The following STAT5B variants were observed in gnomAD, a reference collection of about 807,000 sequenced individuals.
STAT5B encodes the protein transcription factor STAT5B.
In STAT5B, 21 loss-of-function variants were observed where a neutral mutation model predicts 107.8. That is an observed-to-expected ratio of 0.19 (90% CI 0.14 to 0.28). The LOEUF (loss-of-function observed/expected upper bound fraction) is 0.28, where lower values mean the gene tolerates loss of function less well. Among genes scored for constraint, STAT5B ranks in the 10% least tolerant of loss-of-function variants. The probability of loss-of-function intolerance (pLI) is 1.00; values close to 1 mark genes in which losing one functional copy is unlikely to be tolerated. For synonymous variants in STAT5B, 325 were observed against 401.7 expected (o/e 0.81, Z 2.28); for missense variants, 565 against 1,008.2 (o/e 0.56, Z 5.95).
At chr17:42,211,843 G>T in intron 13 of STAT5B, 141 bp downstream of exon 13, 1 of 1,286,504 alleles carries the variant, frequency 7.8e-7, no homozygotes, top group Non-Finnish European at 1.1e-6. Context: ...CTCTCAAGTT[G>T]TCCATCTAGT....
rs763978508 is a variant in STAT5B, at chr17:42,260,915, A to AC, written c.-11+15332dup. Among the ~76,000 whole-genome samples the AC allele has an allele frequency of 4.8e-3, 633 of 132,210 alleles. 2 individuals are homozygous for AC. The highest frequency in any genetic ancestry group is 8.3e-3 in the Non-Finnish European group (530 of 63,582). 86.7% of individuals were successfully genotyped at this position (132,210 alleles called of 152,430 possible). A position where few individuals can be genotyped will look rare whatever the true frequency, so the allele number is the denominator to read the frequency against. On this transcript the variant is annotated intron_variant, in intron 1 of 18. Coordinates refer to ENST00000293328, the MANE Select transcript of STAT5B (RefSeq NM_012448.4). The stretch of plus-strand genomic sequence containing the variant: ...CTTAGTTTCCTAGTTTATATGTCTT[A>AC]CCTTTTTTTTTTTTTTCTTGAGACA...
chr17:42,277,220 G>A (rs554879930), upstream of STAT5B, among the ~76,000 whole-genome samples: 17 of 152,128 alleles, frequency 1.1e-4, no homozygotes, highest in Non-Finnish European at 1.2e-4. Context: ...CCTCTGCTAC[G>A]TCTATCTCCC....
intron 1 of STAT5B, among the ~76,000 whole-genome samples, chr17:42,262,579 T>C (rs112290202): frequency 4.2e-4 from 64 of 151,694 alleles, no homozygotes; most frequent in African/African-American, 1.4e-3. Flanking sequence ...AATGGAATTA[T>C]AAGAAAAAGA....
At position 42,276,216 on chromosome 17, in the gene STAT5B, C is replaced by G. The variant is rs568752464; in HGVS notation, c.-11+32G>C. ...GGCTCCCCGGCCTGGCTCCCCCGGCCCCGGGCCCAGGGCTCGCCCCGCAGC... is the reference window on the plus strand; with the variant it reads ...GGCTCCCCGGCCTGGCTCCCCCGGCGCCGGGCCCAGGGCTCGCCCCGCAGC... On this transcript the variant is annotated intron_variant, in intron 1 of 18. Transcript: ENST00000293328. This position sits in a 1 kb window ranked among gnomAD's most constrained non-coding sequence, Gnocchi z 4.8. 6.8e-6 allele frequency: 1 copy of G among 147,792 alleles called. No individual in the cohort carries two copies. The highest frequency in any genetic ancestry group is 2.4e-5 in the African/African-American group (1 of 40,952). The allele number at this position is 147,792 out of a possible 1,614,324, so 9.2% of individuals were successfully genotyped here.
At chr17:42,209,703 G>A (rs1166889367) in intron 15 of STAT5B, among the ~76,000 whole-genome samples, 1 of 152,038 alleles carries the variant, frequency 6.6e-6, no homozygotes, top group Non-Finnish European at 1.5e-5. Context: ...GTGAGACCCT[G>A]TTTCAAAAAA....
chr17:42,201,433 G>C lies in STAT5B; in HGVS notation c.*305C>G. On this transcript the variant is annotated 3_prime_UTR_variant, in exon 19 of 19. Transcript: ENST00000293328. Reference sequence around the variant, plus strand: ...GAAACTCACTGCCTTTTTGCACAAAGTAAAAACCACCACAGCTTCTGTCTG... The same window carrying C: ...GAAACTCACTGCCTTTTTGCACAAACTAAAAACCACCACAGCTTCTGTCTG... The C allele has an allele frequency of 1.7e-6, 1 of 598,072 alleles. No homozygotes were observed. The highest frequency in any genetic ancestry group is 3.0e-6 in the Non-Finnish European group (1 of 335,390). 37.0% of individuals were successfully genotyped at this position (598,072 alleles called of 1,614,324 possible). A position where few individuals can be genotyped will look rare whatever the true frequency, so the allele number is the denominator to read the frequency against.
chr17:42,233,287 C>T (rs1221259540), intron 1 of STAT5B, among the ~76,000 whole-genome samples: 2 of 152,152 alleles, frequency 1.3e-5, no homozygotes, highest in East Asian at 3.8e-4. Flanking sequence ...CACTAGTTAC[C>T]TAAGCAGCAA....
intron 9 of STAT5B, 90 bp from the exon 10 acceptor site, chr17:42,217,554 G>C (rs900772080): frequency 2.7e-6 from 4 of 1,456,592 alleles, no homozygotes; most frequent in Non-Finnish European, 2.9e-6. Context: ...GCAGGAAATA[G>C]AGAAGTTTGC....
chr17:42,213,065 A>G (rs2080142514), intron 12 of STAT5B, among the ~76,000 whole-genome samples: 1 of 152,226 alleles, frequency 6.6e-6, no homozygotes, highest in South Asian at 2.1e-4. Context: ...TCCCATCAGC[A>G]CATAAAGAAA....
intron 2 of STAT5B, among the ~76,000 whole-genome samples, chr17:42,231,493 C>T (rs903927705): frequency 2.0e-5 from 3 of 152,128 alleles, no homozygotes; most frequent in Non-Finnish European, 4.4e-5. Context: ...AGGTGCACAC[C>T]ACCACACCTG....
At chr17:42,256,168 A>T (rs1204968860) in intron 1 of STAT5B, among the ~76,000 whole-genome samples, 1 of 152,136 alleles carries the variant, frequency 6.6e-6, no homozygotes, top group Non-Finnish European at 1.5e-5. Context: ...TGCCTAATAA[A>T]CTCACATTTT....
At chr17:42,231,245 A>G (rs1474498009) in intron 2 of STAT5B, among the ~76,000 whole-genome samples, 3 of 152,164 alleles carry the variant, frequency 2.0e-5, no homozygotes, top group Admixed American at 6.5e-5. Flanking sequence ...GGGTCAAGCA[A>G]TCCTCCCACC....
chr17:42,282,344 G>C, the STAT5B span, among the ~76,000 whole-genome samples: 1 of 151,664 alleles, frequency 6.6e-6, no homozygotes, highest in South Asian at 2.1e-4. Flanking sequence ...TTTTTTTTTA[G>C]ACAGAGTCTC....
At chr17:42,249,699 C>T (rs1031115887) in intron 1 of STAT5B, among the ~76,000 whole-genome samples, 1 of 152,012 alleles carries the variant, frequency 6.6e-6, no homozygotes, top group African/African-American at 2.4e-5. Flanking sequence ...CTCACCCTGT[C>T]ACCCATGCTG....
intron 2 of STAT5B, among the ~76,000 whole-genome samples, chr17:42,230,119 T>A (rs971856013): frequency 6.6e-6 from 1 of 152,120 alleles, no homozygotes; most frequent in African/African-American, 2.4e-5. Context: ...GAGGTACAGC[T>A]GACATTCTCA....
chr17:42,219,896 GC>G, intron 5 of STAT5B, 54 bp from the exon 6 acceptor site: 1 of 1,612,792 alleles, frequency 6.2e-7, no homozygotes, highest in Non-Finnish European at 8.5e-7. Flanking sequence ...CCAACAGGAG[GC>G]CCAGAGAAGC....
intron 4 of STAT5B, among the ~76,000 whole-genome samples, chr17:42,224,269 A>C (rs1022927507): frequency 6.6e-6 from 1 of 152,098 alleles, no homozygotes; most frequent in Admixed American, 6.5e-5. Context: ...ATTACTTTGC[A>C]CTTGTTCACA....
intron 1 of STAT5B, among the ~76,000 whole-genome samples, chr17:42,258,642 G>A (rs557415107): frequency 6.6e-6 from 1 of 152,366 alleles, no homozygotes; most frequent in African/African-American, 2.4e-5. Context: ...TCACGCCATT[G>A]CACTCCAGCC....
upstream of STAT5B, among the ~76,000 whole-genome samples, chr17:42,277,947 G>A (rs562260163): frequency 5.3e-5 from 8 of 151,860 alleles, no homozygotes; most frequent in South Asian, 2.1e-4. Context: ...TAGTAGAGAC[G>A]GGGTTTCACC....
Sources: gnomAD v4.1 joint callset for allele counts (sites outside exome capture counted in the v4.1 genomes callset) on GRCh38, gnomAD v4.1.1 for gene constraint, Gnocchi (gnomAD v3.1) non-coding constraint, MANE v1.5 for transcripts, NCBI Gene and HGNC (gene_info 2026-07-23, HGNC 2026-07-21) for gene names.